Variants in ARHGEF12 observed in about 807,000 individuals in gnomAD.
ARHGEF12 encodes Rho guanine nucleotide exchange factor 12.
In ARHGEF12, 66 loss-of-function variants were observed where a neutral mutation model predicts 211.2. That is an observed-to-expected ratio of 0.31 (90% CI 0.26 to 0.38). ARHGEF12 has a LOEUF of 0.38. Among genes scored for constraint, ARHGEF12 ranks in the 10% least tolerant of loss-of-function variants. The pLI, the probability that ARHGEF12 is intolerant of heterozygous loss-of-function variation, is 1.00. For synonymous variants in ARHGEF12, 592 were observed against 638.4 expected (o/e 0.93, Z 1.09); for missense variants, 1,429 against 1,869.5 (o/e 0.76, Z 4.34).
At chr11:120,435,773 C>T (rs1437724482) in intron 11 of ARHGEF12, among the ~76,000 whole-genome samples, 1 of 152,056 alleles carries the variant, frequency 6.6e-6, no homozygotes, top group Non-Finnish European at 1.5e-5. Flanking sequence ...GCCTCAGCCT[C>T]CCAAAGTGCT....
At chr11:120,352,533 T>C (rs961960676) in intron 1 of ARHGEF12, among the ~76,000 whole-genome samples, 3 of 152,244 alleles carry the variant, frequency 2.0e-5, no homozygotes, top group African/African-American at 7.2e-5. Context: ...TTAGTTTATA[T>C]TTTCTGCCAT....
intron 1 of ARHGEF12, among the ~76,000 whole-genome samples, chr11:120,349,961 C>T (rs1942885411): frequency 6.6e-6 from 1 of 152,158 alleles, no homozygotes; most frequent in Non-Finnish European, 1.5e-5. Context: ...TCAATTCAGA[C>T]CGTGGAACAT....
chr11:120,448,938 C>T, intron 20 of ARHGEF12, 171 bp from the exon 21 acceptor site: 3 of 573,702 alleles, frequency 5.2e-6, no homozygotes, highest in Non-Finnish European at 9.2e-6. Flanking sequence ...TTGAGGTGTA[C>T]ACGGTACTGT....
At chr11:120,350,707 GAA>G (rs1440223351) in intron 1 of ARHGEF12, among the ~76,000 whole-genome samples, 1 of 152,004 alleles carries the variant, frequency 6.6e-6, no homozygotes, top group Non-Finnish European at 1.5e-5. Flanking sequence ...GACCAAAATG[GAA>G]AAGACATTGG....
At chr11:120,372,183 A>G (rs1028253897) in intron 1 of ARHGEF12, among the ~76,000 whole-genome samples, 2 of 152,238 alleles carry the variant, frequency 1.3e-5, no homozygotes, top group Non-Finnish European at 2.9e-5. Flanking sequence ...TAGTAACTAT[A>G]AGGTAACCAC....
chr11:120,446,591 T>G, intron 17 of ARHGEF12, 83 bp downstream of exon 17: 1 of 1,029,010 alleles, frequency 9.7e-7, no homozygotes, highest in Non-Finnish European at 1.4e-6. Context: ...ATTAAATACT[T>G]AGCTTAGCAC....
At chr11:120,372,177 A>G (rs993702100) in intron 1 of ARHGEF12, among the ~76,000 whole-genome samples, 3 of 152,240 alleles carry the variant, frequency 2.0e-5, no homozygotes, top group African/African-American at 7.2e-5. Context: ...AAGTAATAGT[A>G]ACTATAAGGT....
At chr11:120,381,956 C>T (rs562798745) in intron 1 of ARHGEF12, among the ~76,000 whole-genome samples, 36 of 152,262 alleles carry the variant, frequency 2.4e-4, no homozygotes, top group East Asian at 1.2e-3. Flanking sequence ...AAGATTGTAT[C>T]GGGCTTCTTT....
At chr11:120,448,150 G>A (rs1946099846) in intron 19 of ARHGEF12, 84 bp from the exon 20 acceptor site, 2 of 1,033,386 alleles carry the variant, frequency 1.9e-6, no homozygotes, top group South Asian at 1.5e-5. Flanking sequence ...TCCAACCTTG[G>A]GGTTTTGGAA....
chr11:120,405,857 A>G (rs187709729), intron 1 of ARHGEF12: 12 of 318,468 alleles, frequency 3.8e-5, no homozygotes, highest in Middle Eastern at 1.6e-3. Flanking sequence ...AATTGCTCTT[A>G]TTATTGGGAT....
chr11:120,400,701 T>C (rs556078503), intron 1 of ARHGEF12, among the ~76,000 whole-genome samples: 52 of 152,294 alleles, frequency 3.4e-4, no homozygotes, highest in African/African-American at 1.2e-3. Flanking sequence ...TAATAGTCAA[T>C]CTATAATAGC....
chr11:120,356,519 T>G (rs1943135299), intron 1 of ARHGEF12, among the ~76,000 whole-genome samples: 1 of 152,148 alleles, frequency 6.6e-6, no homozygotes, highest in South Asian at 2.1e-4. Context: ...GCGCCCAGCC[T>G]CCCCTTATCT....
intron 33 of ARHGEF12, 113 bp from the exon 34 acceptor site, chr11:120,476,548 A>G: frequency 3.5e-6 from 2 of 567,262 alleles, no homozygotes; most frequent in East Asian, 5.9e-5. Flanking sequence ...TTTAAAGTAA[A>G]TATATGTAAC....
intron 1 of ARHGEF12, among the ~76,000 whole-genome samples, chr11:120,379,261 T>C (rs1943813001): frequency 6.6e-6 from 1 of 152,016 alleles, no homozygotes; most frequent in Non-Finnish European, 1.5e-5. Context: ...AATTGATTTT[T>C]CTATGTTCAT....
chr11:120,453,836 G>C (rs1053500604), intron 22 of ARHGEF12, among the ~76,000 whole-genome samples: 14 of 152,140 alleles, frequency 9.2e-5, no homozygotes, highest in Non-Finnish European at 2.9e-5. Context: ...GAGAGACTTT[G>C]GGCTCAGAGT....
At chr11:120,428,300 T>A in intron 8 of ARHGEF12, 53 bp downstream of exon 8, 1 of 1,393,224 alleles carries the variant, frequency 7.2e-7, no homozygotes, top group Non-Finnish European at 9.5e-7. Context: ...AGGATGTGTT[T>A]ACTTTATATG....
intron 5 of ARHGEF12, among the ~76,000 whole-genome samples, chr11:120,421,249 C>G (rs1945176529): frequency 6.6e-6 from 1 of 152,026 alleles, no homozygotes; most frequent in Admixed American, 6.5e-5. Flanking sequence ...ACTGCTGTTA[C>G]CATATATTGA....
rs1156655291 is a variant in ARHGEF12 at position 120,486,983 on chromosome 11, C to T, written c.*1906C>T. The T allele has an allele frequency of 4.7e-6, 1 of 214,452 alleles. No homozygotes were observed. Among genetic ancestry groups the T allele is most frequent in the African/African-American group, 2.3e-5 (1 of 44,350 alleles). The allele number at this position is 214,452 out of a possible 1,614,324, so 13.3% of individuals were successfully genotyped here. On this transcript the variant is annotated 3_prime_UTR_variant, in exon 41 of 41. Coordinates refer to ENST00000397843, the MANE Select transcript of ARHGEF12 (RefSeq NM_015313.3). ...AATGAAGTTTGGGATTTGGAACTTTCTGTATCTCTTAGGAGGAACAAGTAA... is the reference window on the plus strand; with the variant it reads ...AATGAAGTTTGGGATTTGGAACTTTTTGTATCTCTTAGGAGGAACAAGTAA...
chr11:120,373,185 A>G (rs1211366555), intron 1 of ARHGEF12, among the ~76,000 whole-genome samples: 1 of 152,200 alleles, frequency 6.6e-6, no homozygotes, highest in Non-Finnish European at 1.5e-5. Context: ...CTTTTCAACC[A>G]TATAAGATAT....
Sources: gnomAD v4.1 joint callset for allele counts (sites outside exome capture counted in the v4.1 genomes callset) on GRCh38, gnomAD v4.1.1 for gene constraint, MANE v1.5 for transcripts, NCBI Gene and HGNC (gene_info 2026-07-23, HGNC 2026-07-21) for gene names.